CCDC178: variants seen among roughly 807,000 people sequenced by gnomAD.
CCDC178 encodes coiled-coil domain containing 178, also known as coiled-coil domain-containing protein 178.
CCDC178 carries 126 observed loss-of-function variants against 117.4 expected under a neutral mutation model. That is an observed-to-expected ratio of 1.07 (90% CI 0.93 to 1.24). CCDC178 has a LOEUF of 1.24. CCDC178 is among the 50% of genes most tolerant of loss of function. The pLI, the probability that CCDC178 is intolerant of heterozygous loss-of-function variation, is 0.00. For synonymous variants in CCDC178, 283 were observed against 313.4 expected (o/e 0.90, Z 1.02); for missense variants, 1,030 against 986.9 (o/e 1.04, Z -0.59).
At chr18:32,977,258 T>C (rs1030468537) in intron 21 of CCDC178, among the ~76,000 whole-genome samples, 2 of 152,180 alleles carry the variant, frequency 1.3e-5, no homozygotes, top group Non-Finnish European at 2.9e-5. Flanking sequence ...CCATATCAGT[T>C]AAAGTTCAAT....
intron 20 of CCDC178, among the ~76,000 whole-genome samples, chr18:33,154,374 A>G (rs1294777105): frequency 3.3e-5 from 5 of 152,116 alleles, no homozygotes; most frequent in African/African-American, 1.2e-4. Context: ...ACAAGATAAA[A>G]TTTACTCAGT....
At chr18:33,329,733 G>A (rs1459253698) in intron 10 of CCDC178, among the ~76,000 whole-genome samples, 2 of 152,026 alleles carry the variant, frequency 1.3e-5, no homozygotes, top group South Asian at 2.1e-4. Flanking sequence ...TATTCATAAG[G>A]TATACTGGTC....
chr18:33,419,536 T>C (rs2063994607), intron 2 of CCDC178, among the ~76,000 whole-genome samples: 1 of 152,168 alleles, frequency 6.6e-6, no homozygotes, highest in African/African-American at 2.4e-5. Flanking sequence ...ACTGTGCATC[T>C]GACAAAGGTC....
intron 14 of CCDC178, among the ~76,000 whole-genome samples, chr18:33,251,154 G>C (rs2059615508): frequency 6.6e-6 from 1 of 151,518 alleles, no homozygotes; most frequent in East Asian, 1.9e-4. Context: ...AAAGAGATGA[G>C]TTACAGGACT....
intron 20 of CCDC178, among the ~76,000 whole-genome samples, chr18:33,206,013 G>A (rs1420585125): frequency 6.6e-6 from 1 of 152,114 alleles, no homozygotes; most frequent in Non-Finnish European, 1.5e-5. Flanking sequence ...GCAAATTAAA[G>A]AGACTGTTTA....
chr18:33,427,430 TA>T (rs1333502635), intron 2 of CCDC178, among the ~76,000 whole-genome samples: 1 of 152,046 alleles, frequency 6.6e-6, no homozygotes, highest in Non-Finnish European at 1.5e-5. Context: ...TACAAAATAG[TA>T]AAAAATCATG....
intron 15 of CCDC178, among the ~76,000 whole-genome samples, chr18:33,237,065 T>A (rs1377000634): frequency 1.3e-5 from 2 of 152,166 alleles, no homozygotes; most frequent in Non-Finnish European, 2.9e-5. Context: ...CCACCTCCTG[T>A]GAGCCAAGCT....
chr18:33,170,546 A>G (rs2058586031), intron 20 of CCDC178, among the ~76,000 whole-genome samples: 1 of 152,146 alleles, frequency 6.6e-6, no homozygotes, highest in African/African-American at 2.4e-5. Flanking sequence ...AAATATAATG[A>G]TATCAGCCGT....
intron 20 of CCDC178, among the ~76,000 whole-genome samples, chr18:33,115,289 G>A (rs964233690): frequency 1.3e-5 from 2 of 151,884 alleles, no homozygotes; most frequent in Non-Finnish European, 2.9e-5. Flanking sequence ...TTAGTATAAT[G>A]GTATCATGTT....
At chr18:33,213,873 G>A (rs531356013) in intron 19 of CCDC178, among the ~76,000 whole-genome samples, 1 of 152,002 alleles carries the variant, frequency 6.6e-6, no homozygotes, top group South Asian at 2.1e-4. Context: ...TTGTCTCTCT[G>A]CAAAGATCTT....
chr18:33,387,277 A>C (rs1382150915), intron 5 of CCDC178, among the ~76,000 whole-genome samples: 1 of 152,190 alleles, frequency 6.6e-6, no homozygotes, highest in Non-Finnish European at 1.5e-5. Context: ...AAATGACCAT[A>C]GTTCCCAAAG....
chr18:33,179,078 A>AAT (rs1555656270), intron 20 of CCDC178, among the ~76,000 whole-genome samples: 1,574 of 55,680 alleles, frequency 0.028, 101 homozygotes, highest in East Asian at 0.058. Context: ...AAAAAAAAAA[A>AAT]ATATATATAT....
chr18:33,386,791 C>A (rs1008531486), intron 5 of CCDC178, among the ~76,000 whole-genome samples: 6 of 152,108 alleles, frequency 3.9e-5, no homozygotes, highest in Non-Finnish European at 7.4e-5. Context: ...GAAGCATTCC[C>A]CTTGAAAATA....
rs146680864 is a variant in CCDC178, at chr18:33,039,232, A to T, written c.2388+53529T>A. On this transcript the variant is annotated intron_variant, in intron 21 of 22. Transcript: ENST00000383096. ...GAAATATTAAGGGTGAATTTAAAAG[A>T]CCAAAGCATTTCTAATTGGAGTAAT... Among the ~76,000 whole-genome samples the T allele has an allele frequency of 3.0e-4, 46 of 152,162 alleles. No homozygotes were observed. In the East Asian group the frequency reaches 8.3e-3, roughly 28 times the overall value.
In CCDC178 at chr18:33,070,310, C is replaced by T. The variant is rs555993888; in HGVS notation, c.2388+22451G>A. Among the ~76,000 whole-genome samples the T allele has an allele frequency of 2.2e-4, 33 of 151,402 alleles. 1 individual carries two copies. In the South Asian group the frequency reaches 4.6e-3, roughly 21 times the overall value. On this transcript the variant is annotated intron_variant, in intron 21 of 22. Transcript: ENST00000383096. ...TCAGTGGATGAATGAATAAAAAATGCGGAATATCTACACAATAGAATACTA... is the reference window on the plus strand; with the variant it reads ...TCAGTGGATGAATGAATAAAAAATGTGGAATATCTACACAATAGAATACTA...
chr18:33,249,900 G>T (rs1465649794), intron 14 of CCDC178, among the ~76,000 whole-genome samples: 1 of 152,010 alleles, frequency 6.6e-6, no homozygotes, highest in Non-Finnish European at 1.5e-5. Context: ...CTATCCATGA[G>T]CATGGAATGT....
Position 33,175,386 on chromosome 18 carries a change from T to G in CCDC178, c.2238+36510A>C, listed in dbSNP as rs1254168345. Among the ~76,000 whole-genome samples, 4 of 152,066 alleles carry G rather than the reference T, an allele frequency of 2.6e-5. No individual in the cohort carries two copies. In the East Asian group the frequency reaches 7.7e-4, roughly 29 times the overall value. On this transcript the variant is annotated intron_variant, in intron 20 of 22. Transcript: ENST00000383096. Reference sequence around the variant, plus strand: ...TTATTGCAGTTTTGTGGGGTTTTTTTTCTTTAGATGGGCTCTTGCTATGTT... The same window carrying G: ...TTATTGCAGTTTTGTGGGGTTTTTTGTCTTTAGATGGGCTCTTGCTATGTT...
intron 21 of CCDC178, among the ~76,000 whole-genome samples, chr18:33,027,771 G>A (rs916151051): frequency 2.0e-5 from 3 of 151,544 alleles, no homozygotes; most frequent in African/African-American, 7.2e-5. Context: ...TTCAAGTGAT[G>A]GCAATAATTC....
intron 20 of CCDC178, among the ~76,000 whole-genome samples, chr18:33,109,072 C>T (rs1266678613): frequency 1.3e-5 from 2 of 151,562 alleles, no homozygotes; most frequent in Admixed American, 6.6e-5. Context: ...TCCAGCCTGC[C>T]CCCTTTCCAC....
Sources: allele counts gnomAD v4.1 joint callset (sites outside exome capture counted in the v4.1 genomes callset), GRCh38; gene constraint gnomAD v4.1.1; transcripts MANE v1.5; gene names NCBI Gene and HGNC (gene_info 2026-07-23, HGNC 2026-07-21).